Variants in MOGAT1 observed in about 807,000 individuals in gnomAD.
MOGAT1 encodes 2-acylglycerol O-acyltransferase 1.
A neutral mutation model predicts 31.4 loss-of-function variants in MOGAT1; 32 were observed. The ratio of observed to expected loss-of-function variants is 1.02; its 90% CI spans 0.77 to 1.37. The LOEUF is 1.37. MOGAT1 is among the 40% of genes most tolerant of loss of function. The pLI is 0.00. For synonymous variants in MOGAT1, 145 were observed against 144.5 expected, an observed-to-expected ratio of 1.00 and a Z score of -0.03; for missense variants, 426 against 402.0, an observed-to-expected ratio of 1.06 and a Z score of -0.51.
chr2:222,698,427 T>C (rs990976128), intron 5 of MOGAT1, among the ~76,000 whole-genome samples: 1 of 152,186 alleles, frequency 6.6e-6, no homozygotes, highest in African/African-American at 2.4e-5. Flanking sequence ...ACAGGACTTC[T>C]TGTGACTGGT....
At chr2:222,690,543 C>T (rs1692743509) in intron 3 of MOGAT1, among the ~76,000 whole-genome samples, 1 of 151,916 alleles carries the variant, frequency 6.6e-6, no homozygotes, top group Non-Finnish European at 1.5e-5. Flanking sequence ...GGCGACAGAG[C>T]GATACTCCGT....
chr2:222,674,241 G>T (rs1186341207), intron 1 of MOGAT1, among the ~76,000 whole-genome samples: 1 of 152,094 alleles, frequency 6.6e-6, no homozygotes, highest in Non-Finnish European at 1.5e-5. Context: ...CAATGTTTTT[G>T]TTTCACACAT....
Position 222,694,433 on chromosome 2 carries a change from A to T in MOGAT1, c.550A>T (p.Ile184Phe), listed in dbSNP as rs774110360. Residue 184 changes from isoleucine (I) to phenylalanine (F), a missense_variant, in exon 4 of 6, where the codon ATT becomes TTT. By Grantham distance (21) the Ile-to-Phe change is conservative. Transcript: ENST00000446656. ...GGAGGGAGGTGGAAACATCTCTGTCATTGTCCTTGGGGGTGCAAAAGAATC... is the reference window on the plus strand; with the variant it reads ...GGAGGGAGGTGGAAACATCTCTGTCTTTGTCCTTGGGGGTGCAAAAGAATC... The part of the protein sequence containing the change: ...SKEGGGNISV[I>F]VLGGAKESLD... 9.3e-6 allele frequency: 15 copies of T among 1,613,756 alleles called. No individual in the cohort carries two copies. In the East Asian group the frequency reaches 3.3e-4, roughly 36 times the overall value.
intron 1 of MOGAT1, among the ~76,000 whole-genome samples, chr2:222,673,378 C>CACA (rs1335119530): frequency 7.0e-6 from 1 of 142,476 alleles, no homozygotes; most frequent in African/African-American, 2.6e-5. Flanking sequence ...ATTAAGTCCT[C>CACA]ACAGACTACA....
chr2:222,676,669 C>T (rs945657991), intron 1 of MOGAT1, among the ~76,000 whole-genome samples: 1 of 152,202 alleles, frequency 6.6e-6, no homozygotes, highest in Non-Finnish European at 1.5e-5. Flanking sequence ...ACCAAAGTTT[C>T]TTCCAAAGTA....
intron 5 of MOGAT1, among the ~76,000 whole-genome samples, chr2:222,706,253 A>G (rs185959638): frequency 6.6e-6 from 1 of 152,190 alleles, no homozygotes; most frequent in African/African-American, 2.4e-5. Context: ...CAGGTGGATA[A>G]CCCAAGGTCA....
At chr2:222,692,289 C>T (rs1276698532) in intron 3 of MOGAT1, among the ~76,000 whole-genome samples, 1 of 152,202 alleles carries the variant, frequency 6.6e-6, no homozygotes, top group Non-Finnish European at 1.5e-5. Context: ...GATACAGTCT[C>T]TAAGACTTAA....
chr2:222,690,934 G>T (rs1227427894), intron 3 of MOGAT1, among the ~76,000 whole-genome samples: 2 of 152,192 alleles, frequency 1.3e-5, no homozygotes, highest in Non-Finnish European at 2.9e-5. Context: ...TTTCACAAAA[G>T]CACAGAAACA....
At chr2:222,673,829 T>A (rs2106029537) in intron 1 of MOGAT1, among the ~76,000 whole-genome samples, 1 of 152,336 alleles carries the variant, frequency 6.6e-6, no homozygotes, top group East Asian at 1.9e-4. Context: ...TGTCTTAGTC[T>A]ACAAGCTTAG....
chr2:222,693,768 C>T (rs72968055), intron 3 of MOGAT1, among the ~76,000 whole-genome samples: 74 of 152,172 alleles, frequency 4.9e-4, no homozygotes, highest in African/African-American at 8.4e-4. Context: ...GTCCCTTCCA[C>T]GACATGAAGG....
chr2:222,685,888 C>T (rs577545453), intron 1 of MOGAT1, among the ~76,000 whole-genome samples: 12 of 152,042 alleles, frequency 7.9e-5, no homozygotes. Flanking sequence ...TCACGAGCCA[C>T]TGTGCCCGGC....
At chr2:222,690,091 C>CA (rs1226836155) in intron 3 of MOGAT1, among the ~76,000 whole-genome samples, 2 of 151,996 alleles carry the variant, frequency 1.3e-5, no homozygotes, top group Non-Finnish European at 2.9e-5. Flanking sequence ...CCTGTCTCTA[C>CA]AAAAAATGCA....
chr2:222,687,451 C>T (rs971629689), intron 1 of MOGAT1, among the ~76,000 whole-genome samples: 1 of 152,164 alleles, frequency 6.6e-6, no homozygotes, highest in Non-Finnish European at 1.5e-5. Flanking sequence ...TCTTCATGAA[C>T]ATTCTCTTGT....
chr2:222,672,889 TTTATTATTA>T (rs58396282), intron 1 of MOGAT1, among the ~76,000 whole-genome samples: 39 of 139,220 alleles, frequency 2.8e-4, no homozygotes, highest in East Asian at 1.4e-3. Context: ...CTGGAATTTG[TTTATTATTA>T]TTATTATTAT....
chr2:222,691,004 G>C (rs13398803), intron 3 of MOGAT1, among the ~76,000 whole-genome samples: 2,176 of 152,272 alleles, frequency 0.014, 53 homozygotes, highest in African/African-American at 0.05. Context: ...GAGTCGTATA[G>C]TTAAGAGCAG....
At chr2:222,690,781 G>A (rs1479493767) in intron 3 of MOGAT1, among the ~76,000 whole-genome samples, 1 of 152,166 alleles carries the variant, frequency 6.6e-6, no homozygotes, top group African/African-American at 2.4e-5. Context: ...CGGAAGATCC[G>A]GCATCTGGCC....
chr2:222,671,878 C>G lies in MOGAT1; in HGVS notation c.93C>G (p.Leu31=), dbSNP rs577166351. 2 of 1,550,224 alleles carry G rather than the reference C, an allele frequency of 1.3e-6. No homozygotes were observed. The highest frequency in any genetic ancestry group is 1.7e-6 in the Non-Finnish European group (2 of 1,146,300). The change falls in exon 1 of 6, where the codon CTC becomes CTG. Residue 31 remains leucine, a splice_region_variant and synonymous_variant. Transcript: ENST00000446656. ...VLQWVLKYLL[L]GPMSIGITVM... ...AGTGGGTCCTGAAATACCTGCTGCT[C>G]GGTAAGGACCCCGCCCCCCGGGCCG...
At chr2:222,678,650 G>A (rs952143971) in intron 1 of MOGAT1, among the ~76,000 whole-genome samples, 1 of 152,022 alleles carries the variant, frequency 6.6e-6, no homozygotes, top group African/African-American at 2.4e-5. Flanking sequence ...TAAAATCTTT[G>A]CTTAATCTGG....
chr2:222,691,126 C>T (rs180833899), intron 3 of MOGAT1, among the ~76,000 whole-genome samples: 410 of 152,226 alleles, frequency 2.7e-3, no homozygotes, highest in African/African-American at 9.5e-3. Flanking sequence ...ACAGCCACTG[C>T]AGTTTACTAG....
Sources: allele counts gnomAD v4.1 joint callset (sites outside exome capture counted in the v4.1 genomes callset), GRCh38; gene constraint gnomAD v4.1.1; transcripts MANE v1.5; gene names NCBI Gene and HGNC (gene_info 2026-07-23, HGNC 2026-07-21).